Variants in CAMKMT observed in about 807,000 individuals in gnomAD.
CAMKMT encodes the protein CaM KMT.
A neutral mutation model predicts 48.0 loss-of-function variants in CAMKMT; 53 were observed. That is an observed-to-expected ratio of 1.10 (90% confidence interval 0.89 to 1.39). CAMKMT has a LOEUF of 1.39. CAMKMT is among the 40% of genes most tolerant of loss of function. The pLI, the probability that CAMKMT is intolerant of heterozygous loss-of-function variation, is 0.00. For missense variants in CAMKMT, 428 were observed against 402.7 expected (o/e 1.06, Z -0.54); for synonymous variants, 165 against 152.3 (o/e 1.08, Z -0.61).
intron 3 of CAMKMT, among the ~76,000 whole-genome samples, chr2:44,546,877 A>G (rs540766158): frequency 6.6e-5 from 10 of 152,294 alleles, no homozygotes; most frequent in African/African-American, 2.4e-4. Flanking sequence ...ACACTGAGAG[A>G]CTGACCATAC....
chr2:44,651,391 G>A (rs867718397), intron 3 of CAMKMT, among the ~76,000 whole-genome samples: 2 of 152,166 alleles, frequency 1.3e-5, no homozygotes, highest in South Asian at 2.1e-4. Context: ...TTTTAAAGTT[G>A]CATGTTTTTT....
chr2:44,539,084 G>T (rs886958576), intron 3 of CAMKMT, among the ~76,000 whole-genome samples: 2 of 151,312 alleles, frequency 1.3e-5, no homozygotes, highest in African/African-American at 4.9e-5. Flanking sequence ...TGGGTGGATT[G>T]CCTGAGCTCA....
intron 3 of CAMKMT, among the ~76,000 whole-genome samples, chr2:44,422,652 T>A (rs1253076843): frequency 6.6e-6 from 1 of 152,232 alleles, no homozygotes; most frequent in Admixed American, 6.5e-5. Context: ...AAGTCCAGAA[T>A]TGGACTATCC....
At chr2:44,704,397 AT>A (rs1342943287) in intron 4 of CAMKMT, 54 bp downstream of exon 4, 2 of 1,184,562 alleles carry the variant, frequency 1.7e-6, no homozygotes, top group Non-Finnish European at 2.4e-6. Context: ...TTGAATCAAC[AT>A]ATTAAAAATT....
chr2:44,417,372 G>A (rs1683630374), intron 3 of CAMKMT, among the ~76,000 whole-genome samples: 1 of 152,098 alleles, frequency 6.6e-6, no homozygotes, highest in East Asian at 1.9e-4. Context: ...TCCAGCCTGG[G>A]TGAAAGAGGA....
intron 3 of CAMKMT, chr2:44,549,906 G>A (rs1049765456): frequency 1.3e-4 from 37 of 293,510 alleles, no homozygotes; most frequent in African/African-American, 6.3e-4. Flanking sequence ...CCATCCTTCC[G>A]TCATTCAGTG....
chr2:44,522,179 A>AT (rs1220123987), intron 3 of CAMKMT, among the ~76,000 whole-genome samples: 3 of 151,044 alleles, frequency 2.0e-5, no homozygotes, highest in Non-Finnish European at 3.0e-5. Context: ...AATTTTTTGT[A>AT]TTTTTTTAGT....
intron 1 of CAMKMT, among the ~76,000 whole-genome samples, chr2:44,364,011 C>CA (rs1678326410): frequency 1.2e-5 from 1 of 85,688 alleles, no homozygotes; most frequent in Non-Finnish European, 2.2e-5. Flanking sequence ...CCCACCCTTC[C>CA]TTTTTTTTTT....
At chr2:44,444,390 T>A (rs1467191511) in intron 3 of CAMKMT, among the ~76,000 whole-genome samples, 1 of 152,198 alleles carries the variant, frequency 6.6e-6, no homozygotes. Context: ...CCCAGATGTG[T>A]CACATGAGCT....
intron 3 of CAMKMT, among the ~76,000 whole-genome samples, chr2:44,680,689 G>A (rs1485071412): frequency 6.6e-6 from 1 of 152,176 alleles, no homozygotes; most frequent in Non-Finnish European, 1.5e-5. Context: ...TGGCTGGCCA[G>A]CAAAGGTGTC....
intron 3 of CAMKMT, among the ~76,000 whole-genome samples, chr2:44,611,663 A>C (rs1472615607): frequency 6.6e-6 from 1 of 152,048 alleles, no homozygotes; most frequent in Non-Finnish European, 1.5e-5. Context: ...ACTTCTATAA[A>C]GAAATACCTA....
chr2:44,477,818 G>A (rs1295935176), intron 3 of CAMKMT, among the ~76,000 whole-genome samples: 1 of 152,206 alleles, frequency 6.6e-6, no homozygotes, highest in African/African-American at 2.4e-5. Flanking sequence ...AGGACTATTA[G>A]CATATTCACA....
intron 3 of CAMKMT, among the ~76,000 whole-genome samples, chr2:44,654,099 CCT>C (rs1281155911): frequency 2.0e-5 from 3 of 152,074 alleles, no homozygotes; most frequent in African/African-American, 7.2e-5. Flanking sequence ...AAGCTAGTGC[CCT>C]GTCACTTACC....
At chr2:44,670,085 G>C (rs1410456697) in intron 3 of CAMKMT, among the ~76,000 whole-genome samples, 1 of 152,022 alleles carries the variant, frequency 6.6e-6, no homozygotes, top group Non-Finnish European at 1.5e-5. Context: ...TTATTGATTT[G>C]TAAGAATGTC....
chr2:44,509,322 T>G lies in CAMKMT; in HGVS notation c.376+119017T>G, dbSNP rs530726119. Among the ~76,000 whole-genome samples the G allele has an allele frequency of 2.6e-5, 4 of 152,240 alleles. No individual in the cohort carries two copies. The East Asian group carries it at 7.7e-4, about 29-fold the overall frequency. On this transcript the variant is annotated intron_variant, in intron 3 of 10. Transcript: ENST00000378494. ...AGTTTTTTGTTTTTGTTTTTTGTTT[T>G]GTTTTGTTTTGAGTCAGGGTCTCTC...
rs189680174 is a variant in CAMKMT, at chr2:44,392,653, A to T, written c.376+2348A>T. Among the ~76,000 whole-genome samples the T allele has an allele frequency of 3.5e-3, 536 of 152,178 alleles. 3 individuals carry two copies. Among genetic ancestry groups the T allele is most frequent in the African/African-American group, 0.013 (521 of 41,562 alleles). On this transcript the variant is annotated intron_variant, in intron 3 of 10. Coordinates refer to ENST00000378494, the MANE Select transcript of CAMKMT (RefSeq NM_024766.5). Reference sequence around the variant, plus strand: ...CATGTAGACATATAAAGATGTGTCTAAACATTTCTATTTGATTCATTTATA... The same window carrying T: ...CATGTAGACATATAAAGATGTGTCTTAACATTTCTATTTGATTCATTTATA...
chr2:44,698,747 G>C (rs1367558063), intron 3 of CAMKMT, among the ~76,000 whole-genome samples: 12 of 152,190 alleles, frequency 7.9e-5, no homozygotes, highest in Non-Finnish European at 1.8e-4. Flanking sequence ...TGCCACATTG[G>C]TTGACTCTTC....
intron 3 of CAMKMT, among the ~76,000 whole-genome samples, chr2:44,399,832 A>G (rs2104442535): frequency 6.6e-6 from 1 of 152,234 alleles, no homozygotes; most frequent in African/African-American, 2.4e-5. Context: ...TCTTTTAGTT[A>G]GGGTGACTGT....
intron 9 of CAMKMT, among the ~76,000 whole-genome samples, chr2:44,764,374 C>T (rs1573252717): frequency 6.7e-6 from 1 of 149,812 alleles, no homozygotes; most frequent in African/African-American, 2.5e-5. Context: ...TCTTTCTAAT[C>T]TTACATCAGT....
Sources: allele counts gnomAD v4.1 joint callset (sites outside exome capture counted in the v4.1 genomes callset), GRCh38; gene constraint gnomAD v4.1.1; transcripts MANE v1.5; gene names NCBI Gene and HGNC (gene_info 2026-07-23, HGNC 2026-07-21).